Variants in GFM1 observed in about 807,000 individuals in gnomAD.
GFM1 encodes elongation factor G, mitochondrial.
A neutral mutation model predicts 96.2 loss-of-function variants in GFM1; 62 were observed. The observed-to-expected ratio is 0.64, with a 90% confidence interval of 0.53 to 0.80. GFM1 has a LOEUF of 0.80. Ranked by LOEUF, GFM1 falls within the 30% of genes least tolerant of loss-of-function variation. The pLI is 0.00. For synonymous variants in GFM1, 282 were observed against 312.9 expected, an observed-to-expected ratio of 0.90 and a Z score of 1.04; for missense variants, 852 against 916.6, an observed-to-expected ratio of 0.93 and a Z score of 0.91.
At chr3:158,662,425 A>T (rs545795424) in intron 10 of GFM1, among the ~76,000 whole-genome samples, 2 of 152,286 alleles carry the variant, frequency 1.3e-5, no homozygotes. Flanking sequence ...ATATAAGTAG[A>T]TAGCTTTATT....
chr3:158,646,649 TATGTG>T (rs1721828259), intron 3 of GFM1, 89 bp from the exon 4 acceptor site: 1 of 1,057,832 alleles, frequency 9.5e-7, no homozygotes, highest in African/African-American at 1.6e-5. Flanking sequence ...TTAGAAGACT[TATGTG>T]ATGAGCAGAG....
In GFM1 at chr3:158,691,477, C is replaced by T; in HGVS notation, c.*10C>T. 2 of 1,613,024 alleles carry T rather than the reference C, an allele frequency of 1.2e-6. No individual in the cohort carries two copies. The highest frequency in any genetic ancestry group is 1.3e-5 in the African/African-American group (1 of 74,988). On this transcript the variant is annotated 3_prime_UTR_variant, in exon 18 of 18. Transcript: ENST00000486715. ...AAAAGCCAAGAACTAACTTTGCTTA[C>T]TGTGAGTTGACTGACTCTAATTGAA... is the stretch of plus-strand genomic sequence containing the variant.
intron 13 of GFM1, chr3:158,672,554 C>G: frequency 1.3e-6 from 2 of 1,579,556 alleles, no homozygotes; most frequent in Non-Finnish European, 1.7e-6. Flanking sequence ...GCCCGTCCTG[C>G]TTGCTGCTGG....
chr3:158,666,961 A>AG (rs1723753557), intron 13 of GFM1: 1 of 1,565,888 alleles, frequency 6.4e-7, no homozygotes, highest in Admixed American at 2.0e-5. Context: ...TGGCTATACA[A>AG]GGAGTCTCAG....
At position 158,682,076 on chromosome 3, in the gene GFM1, A is replaced by G. The variant is rs78044539; in HGVS notation, c.1683A>G (p.Pro561=). 5.4e-5 allele frequency: 87 copies of G among 1,613,538 alleles called. No individual in the cohort carries two copies. In the African/African-American group the frequency reaches 1.1e-3, roughly 20 times the overall value. ...KVIGVLEPLD[P]EDYTKLEFSD... ...TAGGTGTCCTGGAGCCTCTGGACCC[A>G]GAGGACTACACTAAATTGGAATTTT... Residue 561 remains proline (P), a synonymous_variant, in exon 14 of 18, where the codon CCA becomes CCG. Transcript: ENST00000486715.
chr3:158,653,135 A>AT (rs1426376695), intron 6 of GFM1, among the ~76,000 whole-genome samples, 175 bp from the exon 7 acceptor site: 5 of 151,938 alleles, frequency 3.3e-5, no homozygotes, highest in Non-Finnish European at 7.4e-5. Flanking sequence ...GAAGAAAGTG[A>AT]TTTTTTTCTT....
At chr3:158,662,329 A>G (rs953472717) in intron 10 of GFM1, among the ~76,000 whole-genome samples, 1 of 152,228 alleles carries the variant, frequency 6.6e-6, no homozygotes, top group Admixed American at 6.5e-5. Flanking sequence ...AGAATTTCAC[A>G]TCTCAGTATT....
chr3:158,668,378 A>AT (rs916670133), intron 13 of GFM1, among the ~76,000 whole-genome samples: 2 of 151,910 alleles, frequency 1.3e-5, no homozygotes, highest in African/African-American at 4.8e-5. Context: ...GCTACCATCC[A>AT]TTTTTTTCCC....
chr3:158,684,009 A>G (rs1202353046), intron 14 of GFM1, among the ~76,000 whole-genome samples: 3 of 152,224 alleles, frequency 2.0e-5, no homozygotes, highest in Non-Finnish European at 4.4e-5. Context: ...CACCAATACT[A>G]TGCAGCCATA....
intron 6 of GFM1, 63 bp downstream of exon 6, chr3:158,652,309 GA>G: frequency 7.3e-7 from 1 of 1,377,314 alleles, no homozygotes; most frequent in Non-Finnish European, 1.0e-6. Flanking sequence ...TTTTTGTAGG[GA>G]GGGGACATGA....
chr3:158,658,659 A>C (rs1485087133), intron 8 of GFM1, among the ~76,000 whole-genome samples: 1 of 152,234 alleles, frequency 6.6e-6, no homozygotes, highest in African/African-American at 2.4e-5. Flanking sequence ...AAACAACTTA[A>C]AAATTTTGTT....
rs1217978272 is a variant in GFM1 at position 158,660,865 on chromosome 3, T to C, written c.1222-9T>C. 2.5e-6 allele frequency: 4 copies of C among 1,608,960 alleles called. No individual in the cohort carries two copies. Among genetic ancestry groups the C allele is most frequent in the Non-Finnish European group, 3.4e-6 (4 of 1,175,486 alleles). On this transcript the variant is annotated splice_polypyrimidine_tract_variant and intron_variant, in intron 9 of 17. Transcript: ENST00000486715. Reference sequence around the variant, plus strand: ...TGCAAATATAATTTTGTGTTATTTGTTTTTTTAGGATGTTGAGGAAGTATA... The same window carrying C: ...TGCAAATATAATTTTGTGTTATTTGCTTTTTTAGGATGTTGAGGAAGTATA...
chr3:158,685,685 T>C (rs1262660338), intron 15 of GFM1, among the ~76,000 whole-genome samples: 2 of 152,146 alleles, frequency 1.3e-5, no homozygotes, highest in Admixed American at 6.6e-5. Flanking sequence ...TTCCTTTATA[T>C]CAGCTCTCTA....
chr3:158,692,359 T>C lies in GFM1; in HGVS notation c.*892T>C, dbSNP rs1726387938. On this transcript the variant is annotated 3_prime_UTR_variant, in exon 18 of 18. Transcript: ENST00000486715. ...GTTTCATCAACCTAATGAATGCTAG[T>C]TAAATTTGAATTCCTTGGAATTTAT... is the stretch of plus-strand genomic sequence containing the variant. 2 of 152,236 alleles carry C rather than the reference T, an allele frequency of 1.3e-5. No individual in the cohort carries two copies. The highest frequency in any genetic ancestry group is 4.8e-5 in the African/African-American group (2 of 41,464). 9.4% of individuals were successfully genotyped at this position (152,236 alleles called of 1,614,324 possible).
At chr3:158,685,378 T>C (rs1394577305) in intron 15 of GFM1, 5 of 152,278 alleles carry the variant, frequency 3.3e-5, no homozygotes, top group African/African-American at 1.2e-4. Flanking sequence ...TTCCATGTCC[T>C]TTATGTGAAA....
intron 5 of GFM1, chr3:158,650,962 AGTGAGCCGAG>A (rs1722244592): frequency 1.5e-5 from 2 of 135,664 alleles, no homozygotes; most frequent in Admixed American, 8.3e-5. Context: ...CAGAGCTTGC[AGTGAGCCGAG>A]ATGGCACCAC....
chr3:158,674,582 TA>T (rs1378624149), intron 13 of GFM1, among the ~76,000 whole-genome samples: 1 of 152,124 alleles, frequency 6.6e-6, no homozygotes, highest in East Asian at 1.9e-4. Context: ...AATAAAAAAA[TA>T]AGACTTTCGG....
Position 158,655,309 on chromosome 3 carries a change from C to A in GFM1, c.1083+678C>A, listed in dbSNP as rs545551286. ...GACCAGCCTAGCCAACATGGTGAAA[C>A]CCTGTCTATACTAAAAGTACAAAAA... is the stretch of plus-strand genomic sequence containing the variant. On this transcript the variant is annotated intron_variant, in intron 8 of 17. Coordinates refer to ENST00000486715, the MANE Select transcript of GFM1 (RefSeq NM_024996.7). Among the ~76,000 whole-genome samples the A allele has an allele frequency of 3.3e-5, 5 of 152,034 alleles. No individual in the cohort carries two copies. The South Asian group carries it at 1.0e-3, about 32-fold the overall frequency.
chr3:158,675,447 ATATT>A (rs1163480037), intron 13 of GFM1, among the ~76,000 whole-genome samples: 3 of 151,884 alleles, frequency 2.0e-5, no homozygotes, highest in Non-Finnish European at 4.4e-5. Flanking sequence ...TAACAAAATA[ATATT>A]TATTTAAAGT....
Sources: allele counts gnomAD v4.1 joint callset (sites outside exome capture counted in the v4.1 genomes callset), GRCh38; gene constraint gnomAD v4.1.1; transcripts MANE v1.5; gene names NCBI Gene and HGNC (gene_info 2026-07-23, HGNC 2026-07-21).